Variants in PTPRS observed in about 807,000 individuals in gnomAD.
PTPRS encodes the protein receptor-type tyrosine-protein phosphatase S.
PTPRS carries 63 observed loss-of-function variants against 215.3 expected under a neutral mutation model. That is an observed-to-expected ratio of 0.29 (90% confidence interval 0.24 to 0.36). The LOEUF (loss-of-function observed/expected upper bound fraction) is 0.36. Ranked by LOEUF, PTPRS falls within the 10% of genes least tolerant of loss-of-function variation. The pLI, the probability that PTPRS is intolerant of heterozygous loss-of-function variation, is 1.00. For missense variants in PTPRS, 2,258 were observed against 2,825.8 expected (o/e 0.80, Z 4.56); for synonymous variants, 1,404 against 1,191.4 (o/e 1.18, Z -3.68).
intron 4 of PTPRS, among the ~76,000 whole-genome samples, chr19:5,272,038 G>A (rs1366772909): frequency 2.6e-5 from 4 of 152,074 alleles, no homozygotes; most frequent in East Asian, 3.9e-4. Flanking sequence ...CGACTTTAGA[G>A]ATGAGAAAAT....
chr19:5,207,133 G>A (rs2040431570), intron 37 of PTPRS, among the ~76,000 whole-genome samples: 1 of 152,242 alleles, frequency 6.6e-6, no homozygotes, highest in African/African-American at 2.4e-5. Context: ...TGCCCAGGCT[G>A]GAGTGCAGTG....
At chr19:5,228,130 G>A (rs914721095) in intron 16 of PTPRS, among the ~76,000 whole-genome samples, 1 of 151,940 alleles carries the variant, frequency 6.6e-6, no homozygotes, top group Non-Finnish European at 1.5e-5. Flanking sequence ...TCCAGTGTGG[G>A]TGAGAGATGG....
chr19:5,222,874 C>T lies in PTPRS; in HGVS notation c.2918G>A (p.Gly973Asp). ...AGTCTCTCGGGCAGGGCCCAGGGCACCGGCCTCCCGCACGGCCACCGTGTA... is the reference window on the plus strand; with the variant it reads ...AGTCTCTCGGGCAGGGCCCAGGGCATCGGCCTCCCGCACGGCCACCGTGTA... ...VKYTVAVREA[G>D]ALGPARETEL... The change falls in exon 18 of 38, where the codon GGT becomes GAT. Residue 973 changes from glycine to aspartate, a missense_variant. Transcript: ENST00000262963. 2 of 1,581,706 alleles carry T rather than the reference C, an allele frequency of 1.3e-6. No individual in the cohort carries two copies. Among genetic ancestry groups the T allele is most frequent in the Non-Finnish European group, 1.7e-6 (2 of 1,170,332 alleles).
At chr19:5,255,203 T>G (rs1246468016) in intron 9 of PTPRS, among the ~76,000 whole-genome samples, 1 of 152,178 alleles carries the variant, frequency 6.6e-6, no homozygotes, top group African/African-American at 2.4e-5. Flanking sequence ...AAAGAGGAGC[T>G]GGCCAGTGAG....
chr19:5,300,250 A>G (rs1452055175), intron 1 of PTPRS, among the ~76,000 whole-genome samples: 2 of 151,726 alleles, frequency 1.3e-5, no homozygotes, highest in Admixed American at 6.6e-5. Flanking sequence ...CAAAAAAAAA[A>G]AAAAGAAAAG....
rs1028304582 is a variant in PTPRS at position 5,222,857 on chromosome 19, G to A, written c.2935C>T (p.Arg979Ter). Residue 979 changes from arginine (R) to a stop codon, truncating the protein, a stop_gained, in exon 18 of 38, where the codon CGA (arginine) becomes TGA (stop). Coordinates refer to ENST00000262963, the MANE Select transcript of PTPRS (RefSeq NM_002850.4). LOFTEE classifies it high-confidence loss of function. ...VREAGALGPA[R>*]ETELPAAAEP... ...GCCGCTGCCGGCAGCTCAGTCTCTC[G>A]GGCAGGGCCCAGGGCACCGGCCTCC... 2.5e-6 allele frequency: 4 copies of A among 1,591,030 alleles called. No individual in the cohort carries two copies. The highest frequency in any genetic ancestry group is 2.3e-5 in the East Asian group (1 of 44,322).
At chr19:5,209,811 C>G (rs1178550113) in intron 35 of PTPRS, among the ~76,000 whole-genome samples, 3 of 152,178 alleles carry the variant, frequency 2.0e-5, no homozygotes, top group African/African-American at 4.8e-5. Context: ...GCACTGCTCA[C>G]AGCACAATGC....
At chr19:5,264,944 G>A (rs2046294717) in intron 5 of PTPRS, 64 bp downstream of exon 5, 2 of 1,566,834 alleles carry the variant, frequency 1.3e-6, no homozygotes, top group East Asian at 4.6e-5. Flanking sequence ...TTGGGCCCTG[G>A]AGATGCTCCC....
chr19:5,211,665 G>A lies in PTPRS; in HGVS notation c.5159C>T (p.Thr1720Ile). ...CCGGATGGGTTGCAGACAGACCCGT[G>A]TGCTCTCATAGGGCATGATGTTCAC... ...RLVNIMPYES[T>I]RVCLQPIRGV... Residue 1720 changes from threonine (T) to isoleucine (I), a missense_variant, in exon 33 of 38, where the codon ACA becomes ATA. By Grantham distance (89) the Thr-to-Ile change is moderately conservative (BLOSUM62 -1). Coordinates refer to ENST00000262963, the MANE Select transcript of PTPRS (RefSeq NM_002850.4). 2 of 1,614,124 alleles carry A rather than the reference G, an allele frequency of 1.2e-6. No homozygotes were observed. Among genetic ancestry groups the A allele is most frequent in the Non-Finnish European group, 1.7e-6 (2 of 1,180,014 alleles).
chr19:5,216,799 C>T (rs1394927263), intron 25 of PTPRS, 32 bp from the exon 26 acceptor site: 1 of 1,489,618 alleles, frequency 6.7e-7, no homozygotes, highest in African/African-American at 1.4e-5. Flanking sequence ...TAAATGAAAA[C>T]ATGCAGGGGG....
chr19:5,278,880 G>A (rs1163614837), intron 2 of PTPRS, among the ~76,000 whole-genome samples: 2 of 151,836 alleles, frequency 1.3e-5, no homozygotes, highest in Admixed American at 1.3e-4. Context: ...AAATGGTACC[G>A]TTGTACGATT....
In PTPRS at chr19:5,222,050, T is replaced by C. The variant is rs1447833752; in HGVS notation, c.3201+73A>G. On this transcript the variant is annotated intron_variant, in intron 19 of 37. Transcript: ENST00000262963. ...CCCTCACTTCACACCAACTCCAAAC[T>C]GAGCCTTAAGCCCTGCTGAACTACA... The C allele has an allele frequency of 2.1e-5, 27 of 1,272,456 alleles. 1 individual carries two copies. Among genetic ancestry groups the C allele is most frequent in the Non-Finnish European group, 3.1e-5 (27 of 872,674 alleles). The allele number at this position is 1,272,456 out of a possible 1,614,324, so 78.8% of individuals were successfully genotyped here. A position where few individuals can be genotyped will look rare whatever the true frequency, so the allele number is the denominator to read the frequency against.
intron 15 of PTPRS, 45 bp downstream of exon 15, chr19:5,229,446 C>A: frequency 5.8e-6 from 8 of 1,378,580 alleles, no homozygotes; most frequent in Non-Finnish European, 7.5e-6. Flanking sequence ...AGGGCCCGTC[C>A]CCGCCCGGAG....
At chr19:5,260,380 A>G (rs2045892929) in intron 7 of PTPRS, among the ~76,000 whole-genome samples, 1 of 151,980 alleles carries the variant, frequency 6.6e-6, no homozygotes, top group Non-Finnish European at 1.5e-5. Flanking sequence ...GGGTTTGACC[A>G]TGCTGCCCAG....
chr19:5,322,898 A>AAAAAAAAAAAAAAAAAG, intron 1 of PTPRS, among the ~76,000 whole-genome samples: 1 of 120,286 alleles, frequency 8.3e-6, no homozygotes, highest in Non-Finnish European at 1.7e-5. Context: ...AAAAAAAAAA[A>AAAAAAAAAAAAAAAAAG]AAGAAGAAGA....
In PTPRS at chr19:5,291,943, G is replaced by T. The variant is rs150723932; in HGVS notation, c.-94-5709C>A. On this transcript the variant is annotated intron_variant, in intron 1 of 37. Coordinates refer to ENST00000262963, the MANE Select transcript of PTPRS (RefSeq NM_002850.4). ...CTTGTGGCCCCTGGCTCCCACAGGGGTATTTACACACACTGTTCCTTCCAC... is the reference window on the plus strand; with the variant it reads ...CTTGTGGCCCCTGGCTCCCACAGGGTTATTTACACACACTGTTCCTTCCAC... Among the ~76,000 whole-genome samples the T allele has an allele frequency of 1.7e-3, 258 of 151,904 alleles. 1 individual carries two copies. The highest frequency in any genetic ancestry group is 6.0e-3 in the African/African-American group (247 of 41,384).
At chr19:5,291,233 A>T (rs944342956) in intron 1 of PTPRS, among the ~76,000 whole-genome samples, 1 of 152,150 alleles carries the variant, frequency 6.6e-6, no homozygotes, top group South Asian at 2.1e-4. Flanking sequence ...GGAAATCATT[A>T]AAGTCCACTG....
chr19:5,220,356 G>A lies in PTPRS; in HGVS notation c.3456-3C>T, dbSNP rs1159853997. On this transcript the variant is annotated splice_polypyrimidine_tract_variant and splice_region_variant and intron_variant, in intron 20 of 37. Coordinates refer to ENST00000262963, the MANE Select transcript of PTPRS (RefSeq NM_002850.4). ...GCACCATCACAATGAAATAGCTCCTGTAGGGAGATGGGAAAGAGTCAGAGG... is the reference window on the plus strand; with the variant it reads ...GCACCATCACAATGAAATAGCTCCTATAGGGAGATGGGAAAGAGTCAGAGG... 4 of 1,612,020 alleles carry A rather than the reference G, an allele frequency of 2.5e-6. No homozygotes were observed. The highest frequency in any genetic ancestry group is 1.1e-5 in the South Asian group (1 of 90,790).
chr19:5,215,271 C>T lies in PTPRS; in HGVS notation c.4318+18G>A. ...GCAGTGGGGAAGGGCAGGTTAAGAC[C>T]CGGGATCTCCGAACTACCTTCAATG... On this transcript the variant is annotated intron_variant, in intron 28 of 37. Coordinates refer to ENST00000262963, the MANE Select transcript of PTPRS (RefSeq NM_002850.4). 1 of 1,612,914 alleles carries T rather than the reference C, an allele frequency of 6.2e-7. No homozygotes were observed. The highest frequency in any genetic ancestry group is 1.1e-5 in the South Asian group (1 of 91,064).
Sources: gnomAD v4.1 joint callset for allele counts (sites outside exome capture counted in the v4.1 genomes callset) on GRCh38, gnomAD v4.1.1 for gene constraint, MANE v1.5 for transcripts, NCBI Gene and HGNC (gene_info 2026-07-23, HGNC 2026-07-21) for gene names.